The following ANO6 variants were observed in gnomAD, a reference collection of about 807,000 sequenced individuals.
ANO6 encodes the protein anoctamin-6.
In ANO6, 106 loss-of-function variants were observed where a neutral mutation model predicts 117.5. The observed-to-expected ratio is 0.90, with a 90% confidence interval of 0.77 to 1.06. The LOEUF is 1.06. Ranked by LOEUF, ANO6 falls within the 50% of genes least tolerant of loss-of-function variation. The pLI, the probability that ANO6 is intolerant of heterozygous loss-of-function variation, is 0.00. For missense variants in ANO6, 955 were observed against 1,121.1 expected (o/e 0.85, Z 2.12); for synonymous variants, 367 against 385.1 (o/e 0.95, Z 0.55).
At chr12:45,358,313 A>G (rs994287318) in intron 8 of ANO6, among the ~76,000 whole-genome samples, 1 of 152,230 alleles carries the variant, frequency 6.6e-6, no homozygotes, top group Non-Finnish European at 1.5e-5. Context: ...GATTCTGAGC[A>G]TGTTGTACCC....
At chr12:45,238,149 TTC>T (rs1240845523) in intron 1 of ANO6, among the ~76,000 whole-genome samples, 2 of 144,500 alleles carry the variant, frequency 1.4e-5, no homozygotes, top group African/African-American at 5.4e-5. Context: ...CTTTTTCTTT[TTC>T]TTTTTTTTTT....
rs1943603267 is a variant in ANO6 at position 45,430,362 on chromosome 12, C to T, written c.*1051C>T. On this transcript the variant is annotated 3_prime_UTR_variant, in exon 20 of 20. Coordinates refer to ENST00000320560, the MANE Select transcript of ANO6 (RefSeq NM_001025356.3). ...TGTGCATGGGCAGAAACAGCAAGTG[C>T]CCTCATTGTGGTCATTGGGTGGGGA... 5.1e-6 allele frequency: 5 copies of T among 985,270 alleles called. No individual in the cohort carries two copies. Among genetic ancestry groups the T allele is most frequent in the Admixed American group, 6.2e-5 (1 of 16,242 alleles). The allele number at this position is 985,270 out of a possible 1,614,324, so 61.0% of individuals were successfully genotyped here.
chr12:45,379,929 C>A (rs1456103330), intron 10 of ANO6, among the ~76,000 whole-genome samples: 1 of 152,160 alleles, frequency 6.6e-6, no homozygotes, highest in Non-Finnish European at 1.5e-5. Flanking sequence ...TTCCTTGTTA[C>A]TTCTGCTTTG....
At chr12:45,325,919 C>T (rs916981729) in intron 2 of ANO6, among the ~76,000 whole-genome samples, 1 of 152,114 alleles carries the variant, frequency 6.6e-6, no homozygotes, top group Non-Finnish European at 1.5e-5. Context: ...TAATTAATGA[C>T]ATTTAAGGAA....
intron 8 of ANO6, among the ~76,000 whole-genome samples, chr12:45,361,348 G>A (rs1233903326): frequency 1.3e-5 from 2 of 152,056 alleles, no homozygotes; most frequent in East Asian, 1.9e-4. Context: ...CTATTGTAGT[G>A]TATAGAAATG....
intron 9 of ANO6, among the ~76,000 whole-genome samples, chr12:45,375,763 C>T (rs548755509): frequency 0.031 from 4,596 of 150,596 alleles, 164 homozygotes; most frequent in African/African-American, 0.1. Context: ...TAGAAGAAAA[C>T]CTAGGCAATA....
At chr12:45,409,023 C>G (rs765025587) in intron 15 of ANO6, among the ~76,000 whole-genome samples, 1 of 151,978 alleles carries the variant, frequency 6.6e-6, no homozygotes, top group Non-Finnish European at 1.5e-5. Context: ...TTCATACTGG[C>G]AAGACTATTT....
At chr12:45,369,119 T>A (rs1019248378) in intron 9 of ANO6, among the ~76,000 whole-genome samples, 2 of 152,214 alleles carry the variant, frequency 1.3e-5, no homozygotes, top group Non-Finnish European at 2.9e-5. Flanking sequence ...TTGCAGGGTG[T>A]TGTCAACAGA....
chr12:45,439,335 C>T (rs1471132643), intron 19 of ANO6, among the ~76,000 whole-genome samples: 2 of 152,176 alleles, frequency 1.3e-5, no homozygotes, highest in African/African-American at 4.8e-5. Flanking sequence ...ATTTCTCAAT[C>T]CCCATATCAA....
chr12:45,298,304 G>A (rs1006462833), intron 1 of ANO6, among the ~76,000 whole-genome samples: 6 of 152,100 alleles, frequency 3.9e-5, no homozygotes, highest in African/African-American at 1.4e-4. Flanking sequence ...AACATATTAC[G>A]TTAAGAAAAA....
intron 1 of ANO6, among the ~76,000 whole-genome samples, chr12:45,233,550 A>G (rs1277117358): frequency 1.3e-5 from 2 of 152,214 alleles, no homozygotes; most frequent in Admixed American, 1.3e-4. Context: ...ATTGAGATCA[A>G]GTATAAGAAA....
At position 45,419,042 on chromosome 12, in the gene ANO6, A is replaced by G. The variant is rs140814961; in HGVS notation, c.2218-2029A>G. ...CTACAAAAAGAGAATAACCACCAGG[A>G]TGAGAGTGGGCATCAAGCAGGAATT... On this transcript the variant is annotated intron_variant, in intron 17 of 19. Coordinates refer to ENST00000320560, the MANE Select transcript of ANO6 (RefSeq NM_001025356.3). Among the ~76,000 whole-genome samples, 222 of 152,358 alleles carry G rather than the reference A, an allele frequency of 1.5e-3. 1 individual carries two copies. The highest frequency in any genetic ancestry group is 5.0e-3 in the African/African-American group (210 of 41,590).
chr12:45,409,463 T>C lies in ANO6; in HGVS notation c.1987T>C (p.Leu663=). The C allele has an allele frequency of 1.9e-6, 3 of 1,613,962 alleles. No homozygotes were observed. Among genetic ancestry groups the C allele is most frequent in the Non-Finnish European group, 2.5e-6 (3 of 1,179,910 alleles). The stretch of plus-strand genomic sequence containing the variant: ...TCTGCAGCCTATGGGCAAACTGGGA[T>C]TATTTTATGAATATCTTGAAATGAG... ...YHLQPMGKLG[L]FYEYLEMIIQ... is the part of the protein sequence containing the mutation. Residue 663 remains leucine (L), a synonymous_variant, in exon 16 of 20, where the codon TTA becomes CTA. Coordinates refer to ENST00000320560, the MANE Select transcript of ANO6 (RefSeq NM_001025356.3).
intron 2 of ANO6, among the ~76,000 whole-genome samples, chr12:45,325,819 C>A (rs1224212308): frequency 1.3e-5 from 2 of 152,034 alleles, no homozygotes; most frequent in Non-Finnish European, 2.9e-5. Flanking sequence ...ATGAAAATTA[C>A]AATTATAACT....
At chr12:45,397,096 C>G (rs1942636902) in intron 12 of ANO6, among the ~76,000 whole-genome samples, 1 of 152,190 alleles carries the variant, frequency 6.6e-6, no homozygotes, top group South Asian at 2.1e-4. Context: ...ATCTACCCAT[C>G]TGACAAAGGG....
At chr12:45,319,219 T>G (rs1940166892) in intron 2 of ANO6, among the ~76,000 whole-genome samples, 1 of 152,180 alleles carries the variant, frequency 6.6e-6, no homozygotes, top group Non-Finnish European at 1.5e-5. Flanking sequence ...TGCTTCCAGT[T>G]TTTGCCCATT....
At chr12:45,285,078 A>G (rs1198458187) in intron 1 of ANO6, among the ~76,000 whole-genome samples, 2 of 152,252 alleles carry the variant, frequency 1.3e-5, no homozygotes, top group Non-Finnish European at 2.9e-5. Context: ...CTAAATTGTG[A>G]TATTTTCTGG....
At chr12:45,281,070 ATG>A (rs140403401) in intron 1 of ANO6, among the ~76,000 whole-genome samples, 33 of 152,044 alleles carry the variant, frequency 2.2e-4, no homozygotes, top group African/African-American at 7.7e-4. Flanking sequence ...GTATGTGTAT[ATG>A]TGTGTGTGTG....
At chr12:45,410,241 C>T (rs1943052737) in intron 16 of ANO6, among the ~76,000 whole-genome samples, 1 of 152,144 alleles carries the variant, frequency 6.6e-6, no homozygotes, top group African/African-American at 2.4e-5. Flanking sequence ...GGAATGGTCC[C>T]GGGATGCCCA....
Sources: gnomAD v4.1 joint callset for allele counts (sites outside exome capture counted in the v4.1 genomes callset) on GRCh38, gnomAD v4.1.1 for gene constraint, MANE v1.5 for transcripts, NCBI Gene and HGNC (gene_info 2026-07-23, HGNC 2026-07-21) for gene names.